The following ITGAM variants were observed in gnomAD, a reference collection of about 807,000 sequenced individuals.
The protein encoded by ITGAM is integrin subunit alpha M.
In ITGAM, 79 loss-of-function variants were observed where a neutral mutation model predicts 137.5. The ratio of observed to expected loss-of-function variants is 0.57; its 90% CI spans 0.48 to 0.69. The LOEUF is 0.69. Among genes scored for constraint, ITGAM ranks in the 30% least tolerant of loss-of-function variants. ITGAM has a pLI of 0.00. For missense variants in ITGAM, 1,343 were observed against 1,483.5 expected (o/e 0.91, Z 1.56); for synonymous variants, 583 against 592.3 (o/e 0.98, Z 0.23).
chr16:31,287,656 G>A (rs1376339784), intron 12 of ITGAM, among the ~76,000 whole-genome samples: 5 of 151,838 alleles, frequency 3.3e-5, no homozygotes, highest in African/African-American at 4.8e-5. Context: ...AATTTTTGTC[G>A]GTGGTTCTCT....
intron 12 of ITGAM, among the ~76,000 whole-genome samples, chr16:31,282,673 A>T (rs1272166713): frequency 3.9e-5 from 6 of 152,098 alleles, no homozygotes; most frequent in Non-Finnish European, 2.9e-5. Context: ...TCTTTATCCA[A>T]TTTGCCAGTC....
chr16:31,313,281 G>A (rs1262028224), intron 14 of ITGAM, among the ~76,000 whole-genome samples: 1 of 152,158 alleles, frequency 6.6e-6, no homozygotes, highest in African/African-American at 2.4e-5. Context: ...TGTTACCTAG[G>A]TATACAAGTG....
intron 2 of ITGAM, among the ~76,000 whole-genome samples, chr16:31,262,343 CCTTCCTTCCTTCCT>C (rs2079711904): frequency 2.8e-5 from 1 of 35,448 alleles, no homozygotes; most frequent in Non-Finnish European, 6.6e-5. Context: ...TTCCATCCTT[CCTTCCTTCCTTCCT>C]TCCTTCCTTC....
intron 2 of ITGAM, among the ~76,000 whole-genome samples, chr16:31,262,649 C>G (rs1423955615): frequency 6.6e-6 from 1 of 152,136 alleles, no homozygotes; most frequent in Non-Finnish European, 1.5e-5. Flanking sequence ...AAGTCATCCT[C>G]TTGCTTGGGC....
chr16:31,278,642 A>T (rs1449379421), intron 12 of ITGAM, among the ~76,000 whole-genome samples: 2 of 152,216 alleles, frequency 1.3e-5, no homozygotes, highest in Admixed American at 6.5e-5. Context: ...ATTATGTGGG[A>T]ACTAGCGAGT....
intron 14 of ITGAM, among the ~76,000 whole-genome samples, chr16:31,314,221 C>A (rs551387808): frequency 1.2e-4 from 19 of 152,122 alleles, no homozygotes; most frequent in Non-Finnish European, 2.4e-4. Flanking sequence ...TGTGCAGAAG[C>A]TCTTTAGTTT....
At chr16:31,283,125 G>A (rs1321815732) in intron 12 of ITGAM, among the ~76,000 whole-genome samples, 3 of 152,148 alleles carry the variant, frequency 2.0e-5, no homozygotes, top group South Asian at 2.1e-4. Context: ...TGGGTAACCT[G>A]ACCTTTCTCT....
At chr16:31,268,527 C>T (rs2079794592) in intron 5 of ITGAM, among the ~76,000 whole-genome samples, 1 of 151,976 alleles carries the variant, frequency 6.6e-6, no homozygotes, top group African/African-American at 2.4e-5. Flanking sequence ...GGCATGGTGG[C>T]GTGTGCCTGT....
At chr16:31,304,796 T>C (rs1277686630) in intron 14 of ITGAM, among the ~76,000 whole-genome samples, 1 of 152,126 alleles carries the variant, frequency 6.6e-6, no homozygotes, top group Non-Finnish European at 1.5e-5. Context: ...TCTGGGTTCT[T>C]TGTTTTGTTC....
intron 14 of ITGAM, among the ~76,000 whole-genome samples, chr16:31,313,377 C>A (rs1159336914): frequency 6.6e-6 from 1 of 152,068 alleles, no homozygotes; most frequent in African/African-American, 2.4e-5. Flanking sequence ...GCTCTCCCTC[C>A]CCCTTGATCC....
chr16:31,269,694 C>T (rs1018560527), intron 5 of ITGAM, among the ~76,000 whole-genome samples: 6 of 152,194 alleles, frequency 3.9e-5, no homozygotes, highest in Non-Finnish European at 8.8e-5. Flanking sequence ...CCTGGGCAAG[C>T]AGGTCTGTTG....
chr16:31,330,462 G>T lies in ITGAM; in HGVS notation c.3174+41G>T, dbSNP rs752913407. The T allele has an allele frequency of 5.6e-6, 9 of 1,609,888 alleles. No individual in the cohort carries two copies. The Admixed American group carries it at 1.2e-4, about 21-fold the overall frequency. ...AGGCTTCGCCGGGCACAGGCGTGGT[G>T]CTCAGGGCCCAGGTGCAGTGCCCAC... On this transcript the variant is annotated intron_variant, in intron 27 of 29. Transcript: ENST00000544665.
At position 31,271,102 on chromosome 16, in the gene ITGAM, G is replaced by C. The variant is rs1468692264; in HGVS notation, c.558+18G>C. ...AAACCTTGGTGAGGGCCCAGGGGTA[G>C]GTTAGGGAAGAGCCCACACGGGGCT... On this transcript the variant is annotated intron_variant, in intron 6 of 29. Transcript: ENST00000544665. The C allele has an allele frequency of 6.5e-7, 1 of 1,528,128 alleles. No homozygotes were observed. The highest frequency in any genetic ancestry group is 8.9e-7 in the Non-Finnish European group (1 of 1,128,732). The allele number at this position is 1,528,128 out of a possible 1,614,324, so 94.7% of individuals were successfully genotyped here.
chr16:31,272,109 A>G, intron 7 of ITGAM, 117 bp downstream of exon 7: 1 of 1,190,648 alleles, frequency 8.4e-7, no homozygotes, highest in Non-Finnish European at 1.2e-6. Flanking sequence ...CCACCGGCAG[A>G]GGTGGGGAGG....
chr16:31,329,888 C>A lies in ITGAM; in HGVS notation c.2959C>A (p.Gln987Lys). The A allele has an allele frequency of 6.4e-7, 1 of 1,561,920 alleles. No homozygotes were observed. ...LNQTVIWDRP[Q>K]VTFSENLSST... ...CCAGACTGTCATATGGGACCGCCCC[C>A]AGGTCACCTTCTCCGAGGTGAGCGG... is the stretch of plus-strand genomic sequence containing the variant. The change falls in exon 25 of 30, where the codon CAG becomes AAG. Residue 987 changes from glutamine to lysine, a missense_variant. Coordinates refer to ENST00000544665, the MANE Select transcript of ITGAM (RefSeq NM_000632.4).
intron 14 of ITGAM, among the ~76,000 whole-genome samples, chr16:31,318,633 T>C (rs11861161): frequency 0.25 from 37,957 of 152,138 alleles, 7,704 homozygotes; most frequent in African/African-American, 0.56. Context: ...CGTGAGCCAC[T>C]GCACCTGGCC....
intron 19 of ITGAM, 108 bp from the exon 20 acceptor site, chr16:31,325,155 T>C (rs1597038602): frequency 6.8e-7 from 1 of 1,480,432 alleles, no homozygotes; most frequent in Non-Finnish European, 9.1e-7. Context: ...TGGCTGCCCC[T>C]CCACTGTTGT....
intron 5 of ITGAM, among the ~76,000 whole-genome samples, chr16:31,270,152 C>G (rs1293670173): frequency 1.6e-4 from 11 of 69,884 alleles, no homozygotes; most frequent in Non-Finnish European, 2.7e-4. Context: ...CCTTTCCTTT[C>G]CTTTCCTTTC....
chr16:31,289,495 T>C (rs2080063962), intron 12 of ITGAM, among the ~76,000 whole-genome samples: 1 of 152,034 alleles, frequency 6.6e-6, no homozygotes, highest in South Asian at 2.1e-4. Context: ...CTCAGCAAAC[T>C]ATCGCAAGAA....
Sources: gnomAD v4.1 joint callset for allele counts (sites outside exome capture counted in the v4.1 genomes callset) on GRCh38, gnomAD v4.1.1 for gene constraint, MANE v1.5 for transcripts, NCBI Gene and HGNC (gene_info 2026-07-23, HGNC 2026-07-21) for gene names.